Variants in TMEM272 observed in about 807,000 individuals in gnomAD.
The protein encoded by TMEM272 is transmembrane protein 272, also known as long intergenic non-protein coding RNA 282.
In TMEM272, 8 loss-of-function variants were observed where a neutral mutation model predicts 3.7. That is an observed-to-expected ratio of 2.17 (90% CI 1.27 to 3.91). The LOEUF (loss-of-function observed/expected upper bound fraction) is 3.91, where lower values mean the gene tolerates loss of function less well. TMEM272 is among the 30% of genes most tolerant of loss of function. The pLI is 0.00. For synonymous variants in TMEM272, 63 were observed against 39.8 expected (o/e 1.58, Z -2.20); for missense variants, 166 against 91.5 (o/e 1.81, Z -3.32).
the TMEM272 span, among the ~76,000 whole-genome samples, chr13:51,882,349 G>T: frequency 1.2e-3 from 189 of 152,308 alleles, 3 homozygotes; most frequent in Middle Eastern, 6.8e-3. Flanking sequence ...AGCTGTATAT[G>T]TTATCCCCAG....
the TMEM272 span, among the ~76,000 whole-genome samples, chr13:51,931,369 C>A: frequency 6.6e-6 from 1 of 150,776 alleles, no homozygotes; most frequent in East Asian, 1.9e-4. Context: ...AACCATCATT[C>A]TCAGCAAACT....
the TMEM272 span, among the ~76,000 whole-genome samples, chr13:51,888,408 C>T: frequency 3.3e-5 from 5 of 152,112 alleles, no homozygotes; most frequent in Non-Finnish European, 7.4e-5. Flanking sequence ...TGTAACCTCC[C>T]TGTCACATCA....
chr13:51,837,334 T>G (rs376153525), intron 2 of TMEM272, among the ~76,000 whole-genome samples: 1 of 152,304 alleles, frequency 6.6e-6, no homozygotes, highest in African/African-American at 2.4e-5. Context: ...AGCAACAATA[T>G]AGCTGATGGT....
At chr13:51,882,959 G>C in the TMEM272 span, among the ~76,000 whole-genome samples, 1 of 152,196 alleles carries the variant, frequency 6.6e-6, no homozygotes, top group East Asian at 1.9e-4. Context: ...CCCTGGCCTG[G>C]TTCCTGTGCC....
chr13:51,827,195 G>A (rs955767534), intron 2 of TMEM272, among the ~76,000 whole-genome samples: 5 of 152,288 alleles, frequency 3.3e-5, no homozygotes, highest in African/African-American at 1.2e-4. Flanking sequence ...CTTTGAACTG[G>A]CTTGGGGTTT....
rs1234783246 is a variant in TMEM272 at position 51,814,746 on chromosome 13, A to G, written c.*2005T>C. ...CACTTCATCCACCACTCCCTCTGGG[A>G]AAGATTTCTGCAACACTCTGGTGAT... On this transcript the variant is annotated 3_prime_UTR_variant, in exon 5 of 5. Coordinates refer to ENST00000629372, the MANE Select transcript of TMEM272 (RefSeq NM_001351003.2). 6.6e-6 allele frequency: 1 copy of G among 152,274 alleles called. No individual in the cohort carries two copies. Among genetic ancestry groups the G allele is most frequent in the Non-Finnish European group, 1.5e-5 (1 of 68,096 alleles). 9.4% of individuals were successfully genotyped at this position (152,274 alleles called of 1,614,324 possible).
chr13:51,838,595 AT>A, intron 1 of TMEM272, 42 bp from the exon 2 acceptor site: 1 of 703,008 alleles, frequency 1.4e-6, no homozygotes, highest in South Asian at 1.5e-5. Flanking sequence ...TGGTGGAAGG[AT>A]TTACTCAGCA....
At chr13:51,835,049 T>C (rs1956203363) in intron 2 of TMEM272, among the ~76,000 whole-genome samples, 1 of 152,008 alleles carries the variant, frequency 6.6e-6, no homozygotes, top group Non-Finnish European at 1.5e-5. Context: ...TGCTGGGATC[T>C]GAGAGCACGG....
chr13:51,931,898 C>A, the TMEM272 span, among the ~76,000 whole-genome samples: 14 of 152,012 alleles, frequency 9.2e-5, no homozygotes, highest in African/African-American at 2.4e-4. Context: ...GGTACCAAGA[C>A]GTGGATATGG....
At chr13:51,922,633 T>C in the TMEM272 span, among the ~76,000 whole-genome samples, 1 of 152,214 alleles carries the variant, frequency 6.6e-6, no homozygotes, top group Non-Finnish European at 1.5e-5. Context: ...GCAAACTTCA[T>C]GGCTTAAAAC....
chr13:51,916,706 C>T, the TMEM272 span, among the ~76,000 whole-genome samples: 4 of 152,142 alleles, frequency 2.6e-5, no homozygotes, highest in Non-Finnish European at 1.5e-5. Flanking sequence ...GTCAGTTATC[C>T]AAGAAATCCT....
At chr13:51,911,979 T>C in the TMEM272 span, among the ~76,000 whole-genome samples, 2 of 152,062 alleles carry the variant, frequency 1.3e-5, no homozygotes, top group African/African-American at 2.4e-5. Context: ...TGGACCACCC[T>C]TACTTCGGGC....
At chr13:51,927,782 C>T in the TMEM272 span, among the ~76,000 whole-genome samples, 1 of 152,130 alleles carries the variant, frequency 6.6e-6, no homozygotes. Context: ...CTTGGGGATG[C>T]CCCATCAGTG....
chr13:51,840,351 T>C (rs1368024844), intron 1 of TMEM272, among the ~76,000 whole-genome samples: 1 of 152,182 alleles, frequency 6.6e-6, no homozygotes, highest in Non-Finnish European at 1.5e-5. Context: ...CAAAGATTCT[T>C]ATCCCCATTT....
At chr13:51,888,639 C>CTTTTTTTTT in the TMEM272 span, among the ~76,000 whole-genome samples, 5 of 76,786 alleles carry the variant, frequency 6.5e-5, no homozygotes, top group Non-Finnish European at 9.5e-5. Flanking sequence ...TTTTCTTTTT[C>CTTTTTTTTT]TTTTTTTTTT....
At chr13:51,889,605 C>A in the TMEM272 span, among the ~76,000 whole-genome samples, 2 of 151,990 alleles carry the variant, frequency 1.3e-5, no homozygotes, top group Non-Finnish European at 2.9e-5. Context: ...GTTTGAACCA[C>A]CCAATCCGAT....
In TMEM272 at chr13:51,816,518, G is replaced by T. The variant is rs1424446072; in HGVS notation, c.*233C>A. ...CTTGTGAGAACAAAATTCCCACTCT[G>T]AAAAGAGCAGAAGTGATTTCCCCAT... On this transcript the variant is annotated 3_prime_UTR_variant, in exon 5 of 5. Coordinates refer to ENST00000629372, the MANE Select transcript of TMEM272 (RefSeq NM_001351003.2). 4 of 448,782 alleles carry T rather than the reference G, an allele frequency of 8.9e-6. No homozygotes were observed. The highest frequency in any genetic ancestry group is 7.7e-5 in the African/African-American group (4 of 51,824). The allele number at this position is 448,782 out of a possible 1,614,324, so 27.8% of individuals were successfully genotyped here. A position where few individuals can be genotyped will look rare whatever the true frequency, so the allele number is the denominator to read the frequency against.
the TMEM272 span, among the ~76,000 whole-genome samples, chr13:51,924,367 C>T: frequency 2.0e-5 from 3 of 152,196 alleles, no homozygotes; most frequent in African/African-American, 7.2e-5. Context: ...CCAGCCTGGG[C>T]AACACAGCCA....
chr13:51,922,863 T>C, the TMEM272 span, among the ~76,000 whole-genome samples: 13 of 152,294 alleles, frequency 8.5e-5, no homozygotes, highest in African/African-American at 3.1e-4. Flanking sequence ...TCATTGCATC[T>C]CCTCTCTGAT....
Sources: allele counts gnomAD v4.1 joint callset (sites outside exome capture counted in the v4.1 genomes callset), GRCh38; gene constraint gnomAD v4.1.1; transcripts MANE v1.5; gene names NCBI Gene and HGNC (gene_info 2026-07-23, HGNC 2026-07-21).